GART: variants seen among roughly 807,000 people sequenced by gnomAD.
GART encodes the protein trifunctional purine biosynthetic protein adenosine-3.
In GART, 43 loss-of-function variants were observed where a neutral mutation model predicts 107.2. That is an observed-to-expected ratio of 0.40 (90% CI 0.31 to 0.52). The LOEUF is 0.52. GART is among the 20% of genes least tolerant of loss of function. GART has a pLI of 0.52. For synonymous variants in GART, 434 were observed against 427.0 expected (o/e 1.02, Z -0.20); for missense variants, 1,107 against 1,206.5 (o/e 0.92, Z 1.22).
intron 5 of GART, 141 bp from the exon 6 acceptor site, chr21:33,531,698 A>T (rs1032762901): frequency 2.0e-5 from 14 of 684,104 alleles, no homozygotes; most frequent in Non-Finnish European, 3.1e-5. Flanking sequence ...TTTCAGAAAG[A>T]CTCAAAGGGA....
intron 3 of GART, 150 bp from the exon 4 acceptor site, chr21:33,534,903 G>T: frequency 1.6e-6 from 1 of 627,632 alleles, no homozygotes; most frequent in Non-Finnish European, 2.6e-6. Context: ...TTGTCTACTG[G>T]ATAGAGATAA....
rs778922323 is a variant in GART at position 33,530,823 on chromosome 21, C to T, written c.659G>A (p.Arg220Gln). The change falls in exon 7 of 22, where the codon CGA becomes CAA. Residue 220 changes from arginine (R) to glutamine (Q), a missense_variant. By Grantham distance (43) the Arg-to-Gln change is conservative (BLOSUM62 1). Coordinates refer to ENST00000381815, the MANE Select transcript of GART (RefSeq NM_000819.5). The stretch of plus-strand genomic sequence containing the variant: ...AGGGCCACCATCTCCCTCCAGTAAT[C>T]GCTTATGGTCCTGTGCTGGGGGCAT... Reference protein sequence around the residue: ...APMPPAQDHKRLLEGDGGPNT... With the variant: ...APMPPAQDHKQLLEGDGGPNT... 14 of 1,543,316 alleles carry T rather than the reference C, an allele frequency of 9.1e-6. No individual in the cohort carries two copies. Among genetic ancestry groups the T allele is most frequent in the Middle Eastern group, 1.7e-4 (1 of 5,904 alleles).
Sources: gnomAD v4.1 joint callset for allele counts on GRCh38, gnomAD v4.1.1 for gene constraint, MANE v1.5 for transcripts, NCBI Gene and HGNC (gene_info 2026-07-23, HGNC 2026-07-21) for gene names.